The following CACNB4 variants were observed in gnomAD, a reference collection of about 807,000 sequenced individuals.
CACNB4 encodes the protein calcium voltage-gated channel auxiliary subunit beta 4.
CACNB4 carries 32 observed loss-of-function variants against 71.2 expected under a neutral mutation model. That is an observed-to-expected ratio of 0.45 (90% CI 0.34 to 0.60). The LOEUF is 0.60. Among genes scored for constraint, CACNB4 ranks in the 20% least tolerant of loss-of-function variants. CACNB4 has a pLI of 0.01. For synonymous variants in CACNB4, 231 were observed against 236.9 expected, an observed-to-expected ratio of 0.97 and a Z score of 0.23; for missense variants, 464 against 647.9, an observed-to-expected ratio of 0.72 and a Z score of 3.08.
intron 2 of CACNB4, among the ~76,000 whole-genome samples, chr2:152,061,543 T>C (rs555986429): frequency 4.6e-5 from 7 of 152,034 alleles, no homozygotes; most frequent in African/African-American, 1.4e-4. Context: ...AAAGAGCATA[T>C]TACATCAATT....
At chr2:152,009,201 A>AAAG (rs1553810023) in intron 2 of CACNB4, among the ~76,000 whole-genome samples, 30 of 151,792 alleles carry the variant, frequency 2.0e-4, no homozygotes, top group Middle Eastern at 3.4e-3. Flanking sequence ...AAAAAAAAAA[A>AAAG]AAAGAAAGAA....
intron 2 of CACNB4, among the ~76,000 whole-genome samples, chr2:152,068,930 C>T (rs1686503724): frequency 6.6e-6 from 1 of 152,180 alleles, no homozygotes; most frequent in Non-Finnish European, 1.5e-5. Context: ...TAGCCACTGG[C>T]AATAATCAGG....
intron 2 of CACNB4, among the ~76,000 whole-genome samples, chr2:152,007,761 G>T (rs1408875707): frequency 2.0e-5 from 3 of 149,302 alleles, no homozygotes; most frequent in African/African-American, 7.6e-5. Context: ...GGATCATATG[G>T]TAATTCTACG....
chr2:152,039,310 G>A lies in CACNB4; in HGVS notation c.147+59020C>T, dbSNP rs567279670. On this transcript the variant is annotated intron_variant, in intron 2 of 13. Transcript: ENST00000539935. ...TGGGTGCCTGTAATCCTAGCTACTC[G>A]GGAGGCTGAGGCAGAGAACTGCTTG... Among the ~76,000 whole-genome samples the A allele has an allele frequency of 1.5e-4, 23 of 151,998 alleles. 1 individual carries two copies. In the South Asian group the frequency reaches 3.1e-3, roughly 21 times the overall value.
chr2:152,096,714 G>C (rs922268157), intron 2 of CACNB4, among the ~76,000 whole-genome samples: 2 of 152,292 alleles, frequency 1.3e-5, no homozygotes, highest in Admixed American at 6.5e-5. Context: ...ATAGCAGCAC[G>C]CTTTACAAGA....
At chr2:152,056,731 C>A (rs1185770217) in intron 2 of CACNB4, among the ~76,000 whole-genome samples, 1 of 152,206 alleles carries the variant, frequency 6.6e-6, no homozygotes, top group East Asian at 1.9e-4. Flanking sequence ...GCTTGCACCA[C>A]AACTCCACAT....
At chr2:151,860,429 T>C (rs1325751938) in intron 10 of CACNB4, 2 of 443,234 alleles carry the variant, frequency 4.5e-6, no homozygotes, top group Non-Finnish European at 8.0e-6. Context: ...AAAGTGGAGA[T>C]GACTGGTTTC....
intron 2 of CACNB4, among the ~76,000 whole-genome samples, chr2:152,037,113 T>C (rs1269226522): frequency 6.6e-6 from 1 of 152,220 alleles, no homozygotes; most frequent in African/African-American, 2.4e-5. Flanking sequence ...GGGCATAGGT[T>C]CCCAAGCACT....
At chr2:151,875,284 A>G (rs2099845697) in intron 5 of CACNB4, among the ~76,000 whole-genome samples, 1 of 148,100 alleles carries the variant, frequency 6.8e-6, no homozygotes, top group Non-Finnish European at 1.5e-5. Flanking sequence ...GACACAGCAC[A>G]TGTTTCAGAG....
chr2:152,086,924 A>G (rs1687691298), intron 2 of CACNB4, among the ~76,000 whole-genome samples: 1 of 151,962 alleles, frequency 6.6e-6, no homozygotes, highest in Admixed American at 6.6e-5. Flanking sequence ...TGAGATTGGG[A>G]GTTCGAGACC....
chr2:151,870,268 T>C (rs1323341172), intron 8 of CACNB4: 1 of 702,934 alleles, frequency 1.4e-6, no homozygotes, highest in African/African-American at 1.7e-5. Flanking sequence ...GTACAGCAAA[T>C]CTTTGACCAG....
chr2:152,097,595 G>A (rs781190101), intron 2 of CACNB4, among the ~76,000 whole-genome samples: 1 of 152,160 alleles, frequency 6.6e-6, no homozygotes, highest in Non-Finnish European at 1.5e-5. Context: ...CTGTGCCAAG[G>A]TGAAAGGCAC....
intron 2 of CACNB4, among the ~76,000 whole-genome samples, chr2:152,039,365 G>A (rs1014965569): frequency 6.0e-5 from 9 of 150,856 alleles, no homozygotes; most frequent in Admixed American, 5.3e-4. Flanking sequence ...GCAGTGAGCT[G>A]AGATCTCGAC....
chr2:151,855,109 T>A (rs1448779347), intron 11 of CACNB4, 115 bp downstream of exon 11: 4 of 603,452 alleles, frequency 6.6e-6, no homozygotes, highest in Non-Finnish European at 1.1e-5. Flanking sequence ...ATTTTAAATG[T>A]GCTTATTAAT....
chr2:152,034,390 G>GC (rs1283865424), intron 2 of CACNB4, among the ~76,000 whole-genome samples: 4 of 152,250 alleles, frequency 2.6e-5, no homozygotes, highest in East Asian at 3.9e-4. Context: ...CTCACACAGG[G>GC]CTCTGGTGAA....
chr2:151,839,308 AG>A lies in CACNB4; in HGVS notation c.1373del (p.Ser458LeufsTer88). On this transcript the variant is annotated frameshift_variant, in exon 14 of 14. Transcript: ENST00000539935. LOFTEE classifies it high-confidence loss of function. ...CCCTTTCATTGTGATAATTTTCATC[AG>A]AGGTCATTAGACTTCGTCTTTCAAT... ...SPIERRSLMTSDENYHNERAR... is the reference protein window; with the variant it reads ...SPIERRSLMTXDENYHNERAR... 1 of 1,613,358 alleles carries A rather than the reference AG, an allele frequency of 6.2e-7. No individual in the cohort carries two copies. The highest frequency in any genetic ancestry group is 8.5e-7 in the Non-Finnish European group (1 of 1,179,330).
At chr2:151,902,575 T>C (rs1399533949) in intron 2 of CACNB4, among the ~76,000 whole-genome samples, 1 of 152,242 alleles carries the variant, frequency 6.6e-6, no homozygotes, top group African/African-American at 2.4e-5. Flanking sequence ...ACATATTCTC[T>C]ATGAACAATG....
intron 13 of CACNB4, among the ~76,000 whole-genome samples, chr2:151,840,380 A>G (rs970363140): frequency 1.3e-5 from 2 of 152,286 alleles, no homozygotes; most frequent in African/African-American, 4.8e-5. Context: ...AGGGAGAACC[A>G]CTCTAGGTGG....
At chr2:152,003,029 C>A (rs879925740) in intron 2 of CACNB4, among the ~76,000 whole-genome samples, 21 of 152,210 alleles carry the variant, frequency 1.4e-4, no homozygotes, top group Admixed American at 1.3e-3. Flanking sequence ...TTTCCACTCC[C>A]AAGCAAATGA....
Sources: allele counts gnomAD v4.1 joint callset (sites outside exome capture counted in the v4.1 genomes callset), GRCh38; gene constraint gnomAD v4.1.1; transcripts MANE v1.5; gene names NCBI Gene and HGNC (gene_info 2026-07-23, HGNC 2026-07-21).